The following GALNT10 variants were observed in gnomAD, a reference collection of about 807,000 sequenced individuals.
The protein encoded by GALNT10 is GalNAc transferase 10.
Under a neutral mutation model 75.0 loss-of-function variants are expected in GALNT10, and 41 were observed. The ratio of observed to expected loss-of-function variants is 0.55; its 90% CI spans 0.43 to 0.71. The LOEUF (loss-of-function observed/expected upper bound fraction) is 0.71. GALNT10 is among the 30% of genes least tolerant of loss of function. The probability of loss-of-function intolerance (pLI) is 0.00; values close to 1 mark genes in which losing one functional copy is unlikely to be tolerated. For missense variants in GALNT10, 727 were observed against 818.5 expected (o/e 0.89, Z 1.36); for synonymous variants, 302 against 313.0 (o/e 0.96, Z 0.37).
intron 1 of GALNT10, among the ~76,000 whole-genome samples, chr5:154,219,828 T>A (rs1314579913): frequency 6.5e-5 from 5 of 76,602 alleles, no homozygotes; most frequent in East Asian, 1.6e-3. Flanking sequence ...TCTCTCTCTC[T>A]CTCTCTCTCT....
chr5:154,408,890 AGAC>A (rs1756337561), intron 8 of GALNT10, among the ~76,000 whole-genome samples: 1 of 152,212 alleles, frequency 6.6e-6, no homozygotes, highest in East Asian at 1.9e-4. Flanking sequence ...CTCTAGCTTC[AGAC>A]ATGGCTGGAT....
chr5:154,362,037 CTGAGA>C (rs1755396267), intron 4 of GALNT10, among the ~76,000 whole-genome samples: 4 of 152,168 alleles, frequency 2.6e-5, no homozygotes, highest in Non-Finnish European at 2.9e-5. Flanking sequence ...CTCTCCAGGG[CTGAGA>C]GTCTTTTGCC....
Position 154,393,065 on chromosome 5 carries a change from A to AAAAAAAAC in GALNT10, c.1056+6642_1056+6643insCAAAAAAA, listed in dbSNP as rs1160526169. The AAAAAAAAC allele has an allele frequency of 2.2e-3, 274 of 124,542 alleles. 2 individuals carry two copies. Among genetic ancestry groups the AAAAAAAAC allele is most frequent in the Middle Eastern group, 0.015 (4 of 262 alleles). 7.7% of individuals were successfully genotyped at this position (124,542 alleles called of 1,614,324 possible). On this transcript the variant is annotated intron_variant, in intron 7 of 11. Coordinates refer to ENST00000297107, the MANE Select transcript of GALNT10 (RefSeq NM_198321.4). ...TAAATTGGAGGTCTCCACAAAAAAA[A>AAAAAAAAC]AAAAAAAAAAAAACCCATTTTTTTT... is the stretch of plus-strand genomic sequence containing the variant.
chr5:154,274,988 G>T (rs1217676809), intron 1 of GALNT10, among the ~76,000 whole-genome samples: 1 of 152,146 alleles, frequency 6.6e-6, no homozygotes, highest in Non-Finnish European at 1.5e-5. Context: ...AGTTTCCAAC[G>T]TCTGGATTGG....
intron 1 of GALNT10, among the ~76,000 whole-genome samples, chr5:154,210,093 A>C (rs1191729555): frequency 6.6e-6 from 1 of 152,154 alleles, no homozygotes; most frequent in African/African-American, 2.4e-5. Context: ...TCCTCTCTCC[A>C]TGCAGCAGTC....
At position 154,227,328 on chromosome 5, in the gene GALNT10, T is replaced by A. The variant is rs1753077970; in HGVS notation, c.159+36303T>A. On this transcript the variant is annotated intron_variant, in intron 1 of 11. Coordinates refer to ENST00000297107, the MANE Select transcript of GALNT10 (RefSeq NM_198321.4). ...TCACCAACACTTAGTATGATCAGTC[T>A]TTTAAATTTTAGCCTTTCTAATATG... Among the ~76,000 whole-genome samples the A allele has an allele frequency of 3.3e-5, 5 of 152,256 alleles. No homozygotes were observed. The South Asian group carries it at 1.0e-3, about 31-fold the overall frequency.
intron 1 of GALNT10, among the ~76,000 whole-genome samples, chr5:154,279,360 A>G (rs912475893): frequency 3.4e-5 from 5 of 147,762 alleles, no homozygotes; most frequent in African/African-American, 1.3e-4. Flanking sequence ...CTGGAGTACA[A>G]TGGCACGATC....
At chr5:154,414,919 T>C (rs929626505) in intron 10 of GALNT10, among the ~76,000 whole-genome samples, 13 of 151,796 alleles carry the variant, frequency 8.6e-5, no homozygotes, top group African/African-American at 2.9e-4. Context: ...AGGTTAGGAG[T>C]CCAAGACCAG....
intron 3 of GALNT10, among the ~76,000 whole-genome samples, chr5:154,315,559 C>G (rs1000348664): frequency 1.3e-5 from 2 of 152,212 alleles, no homozygotes; most frequent in Admixed American, 6.5e-5. Context: ...AGGTTGTGTC[C>G]TCAAGAAAGA....
intron 7 of GALNT10, among the ~76,000 whole-genome samples, chr5:154,400,009 A>G (rs1224044191): frequency 6.6e-6 from 1 of 152,078 alleles, no homozygotes; most frequent in Non-Finnish European, 1.5e-5. Context: ...ATGGTGGCAC[A>G]CACCTGTGGC....
At chr5:154,249,210 C>G (rs1022130803) in intron 1 of GALNT10, among the ~76,000 whole-genome samples, 2 of 152,182 alleles carry the variant, frequency 1.3e-5, no homozygotes, top group African/African-American at 2.4e-5. Context: ...TTTCTGGCCC[C>G]CATGCCCAAA....
chr5:154,218,371 C>T (rs1020761058), intron 1 of GALNT10, among the ~76,000 whole-genome samples: 11 of 152,110 alleles, frequency 7.2e-5, no homozygotes, highest in Non-Finnish European at 1.2e-4. Flanking sequence ...AGTGAAGAGC[C>T]GTGGAATGAA....
rs537629388 is a variant in GALNT10, at chr5:154,224,393, C to T, written c.159+33368C>T. 2.0e-5 allele frequency among the ~76,000 whole-genome samples: 3 copies of T among 152,296 alleles called. No homozygotes were observed. The South Asian group carries it at 6.2e-4, about 32-fold the overall frequency. Reference sequence around the variant, plus strand: ...TCTATAATCTGGGACTAATTTGACCCAGTCTCTTGCTTCCTCCTTCTTCCT... The same window carrying T: ...TCTATAATCTGGGACTAATTTGACCTAGTCTCTTGCTTCCTCCTTCTTCCT... On this transcript the variant is annotated intron_variant, in intron 1 of 11. Coordinates refer to ENST00000297107, the MANE Select transcript of GALNT10 (RefSeq NM_198321.4).
chr5:154,247,601 GCTCT>G (rs1753449033), intron 1 of GALNT10, among the ~76,000 whole-genome samples: 2 of 152,026 alleles, frequency 1.3e-5, no homozygotes, highest in African/African-American at 4.8e-5. Flanking sequence ...TCATGATTTG[GCTCT>G]CTGTTTGTCT....
At chr5:154,404,999 AG>A (rs1465177373) in intron 8 of GALNT10, among the ~76,000 whole-genome samples, 3 of 152,236 alleles carry the variant, frequency 2.0e-5, no homozygotes, top group African/African-American at 7.2e-5. Context: ...AAATAAATCC[AG>A]GTGACCACAA....
chr5:154,269,875 G>T (rs1457695279), intron 1 of GALNT10, among the ~76,000 whole-genome samples: 1 of 152,208 alleles, frequency 6.6e-6, no homozygotes, highest in African/African-American at 2.4e-5. Context: ...TGACACCAAG[G>T]TGAGAGGTGG....
At chr5:154,337,472 T>A (rs891912337) in intron 4 of GALNT10, 16 of 713,496 alleles carry the variant, frequency 2.2e-5, no homozygotes, top group Non-Finnish European at 3.8e-5. Context: ...GTAATTAAAA[T>A]CTCCTGCCAC....
At chr5:154,287,180 T>A (rs1413713864) in intron 1 of GALNT10, among the ~76,000 whole-genome samples, 3 of 152,256 alleles carry the variant, frequency 2.0e-5, no homozygotes, top group Non-Finnish European at 4.4e-5. Flanking sequence ...GGAGTTCTAC[T>A]TCAGCCTGTT....
chr5:154,267,158 A>C (rs934428673), intron 1 of GALNT10, among the ~76,000 whole-genome samples: 1 of 152,248 alleles, frequency 6.6e-6, no homozygotes, highest in Non-Finnish European at 1.5e-5. Flanking sequence ...ATATTAAAAT[A>C]AAGTTAAAAT....
Sources: gnomAD v4.1 joint callset for allele counts (sites outside exome capture counted in the v4.1 genomes callset) on GRCh38, gnomAD v4.1.1 for gene constraint, MANE v1.5 for transcripts, NCBI Gene and HGNC (gene_info 2026-07-23, HGNC 2026-07-21) for gene names.